Variants in MAP1S observed in about 807,000 individuals in gnomAD.
MAP1S encodes the protein microtubule associated protein 1S, also known as microtubule-associated protein 1S.
In MAP1S, 27 loss-of-function variants were observed where a neutral mutation model predicts 60.9. The observed-to-expected ratio is 0.44, with a 90% CI of 0.33 to 0.61. The LOEUF (loss-of-function observed/expected upper bound fraction) is 0.61. MAP1S is among the 20% of genes least tolerant of loss of function. The pLI is 0.03. For synonymous variants in MAP1S, 826 were observed against 694.2 expected, an observed-to-expected ratio of 1.19 and a Z score of -2.98; for missense variants, 1,608 against 1,486.6, an observed-to-expected ratio of 1.08 and a Z score of -1.34.
rs140176243 is a variant in MAP1S at position 17,733,243 on chromosome 19, G to A, written c.2839G>A (p.Val947Ile). 8.4e-6 allele frequency: 13 copies of A among 1,552,648 alleles called. No homozygotes were observed. The African/African-American group carries it at 1.8e-4, about 21-fold the overall frequency. The change falls in exon 6 of 7, where the codon GTC becomes ATC. Residue 947 changes from valine (V) to isoleucine (I), a missense_variant. Physicochemically the swap from Val to Ile is conservative, Grantham distance 29 (BLOSUM62 3). Around this residue, in one of 4 missense-constraint regions of MAP1S, gnomAD observed 1,167 missense variants for 961.4 expected, o/e 1.21. Coordinates refer to ENST00000324096, the MANE Select transcript of MAP1S (RefSeq NM_018174.6). ...GVSATPPKSP[V>I]YLDLAYLPSG... is the part of the protein sequence containing the mutation. ...GTCAGCCACCCCACCCAAGTCCCCGGTCTACCTGGACCTGGCCTACCTGCC... is the reference window on the plus strand; with the variant it reads ...GTCAGCCACCCCACCCAAGTCCCCGATCTACCTGGACCTGGCCTACCTGCC...
At chr19:17,730,037 A>G (rs2080479477) in intron 5 of MAP1S, among the ~76,000 whole-genome samples, 1 of 151,726 alleles carries the variant, frequency 6.6e-6, no homozygotes, top group African/African-American at 2.4e-5. Flanking sequence ...TGAACTCCTG[A>G]ACTCAAGTGA....
intron 2 of MAP1S, chr19:17,721,483 C>A: frequency 7.7e-6 from 2 of 261,174 alleles, no homozygotes; most frequent in Admixed American, 5.1e-5. Context: ...TGGAGACTAG[C>A]CTGGCCAACG....
At chr19:17,729,652 C>A (rs767094797) in intron 5 of MAP1S, among the ~76,000 whole-genome samples, 1 of 151,826 alleles carries the variant, frequency 6.6e-6, no homozygotes, top group Non-Finnish European at 1.5e-5. Context: ...ACCACAGACA[C>A]GCACCATAAC....
intron 1 of MAP1S, 43 bp from the exon 2 acceptor site, chr19:17,720,893 G>C: frequency 6.8e-7 from 1 of 1,470,890 alleles, no homozygotes; most frequent in Non-Finnish European, 9.5e-7. Flanking sequence ...TGGGAGCTGG[G>C]GGGCCCGGCT....
In MAP1S at chr19:17,727,975, A is replaced by G; in HGVS notation, c.2591A>G (p.Lys864Arg). ...ACGGAGAACGTCAGCCGCACCCGGA[A>G]GCCCCTGGCCCGCCCCAACTCACGC... ...RQTENVSRTR[K>R]PLARPNSRAA... Residue 864 changes from lysine to arginine, a missense_variant, in exon 5 of 7, where the codon AAG becomes AGG. Physicochemically the swap from Lys to Arg is conservative, Grantham distance 26. Around this residue, in one of 4 missense-constraint regions of MAP1S, gnomAD observed 1,167 missense variants for 961.4 expected, o/e 1.21. Coordinates refer to ENST00000324096, the MANE Select transcript of MAP1S (RefSeq NM_018174.6). The surrounding 1 kb of genome is among the most constrained non-coding windows in gnomAD (Gnocchi z 4.1). 1 of 1,608,932 alleles carries G rather than the reference A, an allele frequency of 6.2e-7. No homozygotes were observed. The highest frequency in any genetic ancestry group is 8.5e-7 in the Non-Finnish European group (1 of 1,177,686).
intron 1 of MAP1S, chr19:17,720,600 G>A: frequency 2.4e-6 from 3 of 1,251,244 alleles, no homozygotes; most frequent in Non-Finnish European, 2.1e-6. Flanking sequence ...AGGTGGGGGC[G>A]GCAGGGGGAT....
At chr19:17,720,100 CTAA>C in intron 1 of MAP1S, 8 of 1,200,870 alleles carry the variant, frequency 6.7e-6, no homozygotes, top group Non-Finnish European at 8.3e-6. Context: ...CAAGGAGCTG[CTAA>C]TTGGGGTGTG....
chr19:17,728,250 A>T, intron 5 of MAP1S, 78 bp downstream of exon 5: 1 of 1,432,834 alleles, frequency 7.0e-7, no homozygotes, highest in Admixed American at 2.7e-5. Flanking sequence ...CCCTGTTTTT[A>T]CATTTTCAGT....
chr19:17,720,233 T>G lies in MAP1S; in HGVS notation c.118+613T>G, dbSNP rs966039175. The G allele has an allele frequency of 2.2e-6, 3 of 1,375,872 alleles. No individual in the cohort carries two copies. The Middle Eastern group carries it at 7.9e-4, about 363-fold the overall frequency. 85.2% of individuals were successfully genotyped at this position (1,375,872 alleles called of 1,614,324 possible). A position where few individuals can be genotyped will look rare whatever the true frequency, so the allele number is the denominator to read the frequency against. ...CTGGCGGGCGTGATGCGCCCGTGGG[T>G]GGAGATGGGTGTTCATCCCCCATCC... On this transcript the variant is annotated intron_variant, in intron 1 of 6. Coordinates refer to ENST00000324096, the MANE Select transcript of MAP1S (RefSeq NM_018174.6).
chr19:17,719,580 C>T lies in MAP1S; in HGVS notation c.78C>T (p.Ser26=), dbSNP rs1342599543. 8.0e-7 allele frequency: 1 copy of T among 1,245,714 alleles called. No individual in the cohort carries two copies. Among genetic ancestry groups the T allele is most frequent in the African/African-American group, 1.6e-5 (1 of 64,496 alleles). The allele number at this position is 1,245,714 out of a possible 1,614,324, so 77.2% of individuals were successfully genotyped here. Residue 26 remains serine (S), a synonymous_variant, in exon 1 of 7, where the codon AGC becomes AGT. Transcript: ENST00000324096. Reference sequence around the variant, plus strand: ...TCGTGGTGGGCAGCGAGTTCGGGAGCCCGGGGCTCCTCACCTACGTCCTGG... The same window carrying T: ...TCGTGGTGGGCAGCGAGTTCGGGAGTCCGGGGCTCCTCACCTACGTCCTGG... ...LLLVVGSEFG[S]PGLLTYVLEE... is the part of the protein sequence containing the mutation.
chr19:17,727,529 T>A lies in MAP1S; in HGVS notation c.2145T>A (p.Ala715=), dbSNP rs1343328796. The change falls in exon 5 of 7, where the codon GCT becomes GCA. Residue 715 remains alanine (A), a synonymous_variant. Coordinates refer to ENST00000324096, the MANE Select transcript of MAP1S (RefSeq NM_018174.6). This position sits in a 1 kb window ranked among gnomAD's most constrained non-coding sequence, Gnocchi z 4.1. ...CGCCATCCGCCCCCACCAGTGAGGC[T>A]GGGCTGAGCCTCCCGCTGCGTGGCC... ...VLPPSAPTSE[A]GLSLPLRGPR... is the part of the protein sequence containing the mutation. 6.2e-7 allele frequency: 1 copy of A among 1,610,410 alleles called. No homozygotes were observed. Among genetic ancestry groups the A allele is most frequent in the Non-Finnish European group, 8.5e-7 (1 of 1,179,520 alleles).
Position 17,733,268 on chromosome 19 carries a change from C to G in MAP1S, c.2864C>G (p.Pro955Arg). 1 of 1,563,982 alleles carries G rather than the reference C, an allele frequency of 6.4e-7. No individual in the cohort carries two copies. Residue 955 changes from proline to arginine, a missense_variant, in exon 6 of 7, where the codon CCC (proline) becomes CGC (arginine). Around this residue, in one of 4 missense-constraint regions of MAP1S, gnomAD observed 1,167 missense variants for 961.4 expected, o/e 1.21. Transcript: ENST00000324096. The part of the protein sequence containing the change: ...SPVYLDLAYL[P>R]SGSSAHLVDE... The stretch of plus-strand genomic sequence containing the variant: ...GTCTACCTGGACCTGGCCTACCTGC[C>G]CAGCGGGAGCAGCGCCCACCTGGTG...
Position 17,727,030 on chromosome 19 carries a change from C to T in MAP1S, c.1646C>T (p.Pro549Leu). ...REVRRAASSV[P>L]NLKKTNAQAA... ...GTGCGCCGGGCAGCCTCTTCTGTGCCCAACCTCAAGAAGACGAATGCCCAG... is the reference window on the plus strand; with the variant it reads ...GTGCGCCGGGCAGCCTCTTCTGTGCTCAACCTCAAGAAGACGAATGCCCAG... The change falls in exon 5 of 7, where the codon CCC becomes CTC. Residue 549 changes from proline to leucine, a missense_variant. Coordinates refer to ENST00000324096, the MANE Select transcript of MAP1S (RefSeq NM_018174.6). The surrounding 1 kb of genome is among the most constrained non-coding windows in gnomAD (Gnocchi z 4.1). 2 of 1,603,462 alleles carry T rather than the reference C, an allele frequency of 1.2e-6. No homozygotes were observed. The highest frequency in any genetic ancestry group is 1.7e-6 in the Non-Finnish European group (2 of 1,175,998).
rs377549922 is a variant in MAP1S, at chr19:17,725,455, C to T, written c.444+266C>T. Among the ~76,000 whole-genome samples, 8 of 152,276 alleles carry T rather than the reference C, an allele frequency of 5.3e-5. No individual in the cohort carries two copies. In the East Asian group the frequency reaches 1.2e-3, roughly 22 times the overall value. ...AGCCAAATGGGTCCTTCCTGGTGCC[C>T]GCAGTCTGGGTAGGACACATGGGCA... On this transcript the variant is annotated intron_variant, in intron 4 of 6. Transcript: ENST00000324096. This position sits in a 1 kb window ranked among gnomAD's most constrained non-coding sequence, Gnocchi z 4.2.
chr19:17,722,806 A>G (rs1792029932), intron 2 of MAP1S, among the ~76,000 whole-genome samples: 1 of 151,506 alleles, frequency 6.6e-6, no homozygotes, highest in African/African-American at 2.4e-5. Flanking sequence ...AGGGAGAGAG[A>G]GAGAGAAAGG....
At position 17,733,207 on chromosome 19, in the gene MAP1S, C is replaced by T. The variant is rs745371335; in HGVS notation, c.2803C>T (p.Arg935Trp). ...CCCGCCCGCAGGGTCAGCCAGCAGC[C>T]GGCCCGGGGTGTCAGCCACCCCACC... ...TRGPSGSASS[R>W]PGVSATPPKS... Residue 935 changes from arginine (R) to tryptophan (W), a missense_variant, in exon 6 of 7, where the codon CGG (arginine) becomes TGG (tryptophan). Physicochemically the swap from Arg to Trp is moderately radical, Grantham distance 101 (BLOSUM62 -3). Around this residue, in one of 4 missense-constraint regions of MAP1S, gnomAD observed 1,167 missense variants for 961.4 expected, o/e 1.21. Transcript: ENST00000324096. 34 of 1,538,836 alleles carry T rather than the reference C, an allele frequency of 2.2e-5. No individual in the cohort carries two copies. Among genetic ancestry groups the T allele is most frequent in the Non-Finnish European group, 2.7e-5 (31 of 1,140,484 alleles).
chr19:17,727,306 C>CCTCGGCTG lies in MAP1S; in HGVS notation c.1922_1923insCTCGGCTG (p.Glu642SerfsTer18). ...ATCCCAAGGCCACGCACACCCTCCCCTGAGTCCCACCGGAGCCCCGCAGAG... is the reference window on the plus strand; with the variant it reads ...ATCCCAAGGCCACGCACACCCTCCCCCTCGGCTGTGAGTCCCACCGGAGCCCCGCAGAG... On this transcript the variant is annotated frameshift_variant, in exon 5 of 7. Transcript: ENST00000324096. LOFTEE classifies it high-confidence loss of function. The surrounding 1 kb of genome is among the most constrained non-coding windows in gnomAD (Gnocchi z 4.1). 1 of 1,591,698 alleles carries CCTCGGCTG rather than the reference C, an allele frequency of 6.3e-7. No homozygotes were observed. The highest frequency in any genetic ancestry group is 8.5e-7 in the Non-Finnish European group (1 of 1,174,052).
rs2080404897 is a variant in MAP1S, at chr19:17,725,040, CT to C, written c.304-8del. The C allele has an allele frequency of 6.2e-7, 1 of 1,614,038 alleles. No homozygotes were observed. ...GAACGGGTCCTTTAGTGTTCACCCC[CT>C]CCCTCAGCTCCGGAACCTTCTGTTG... On this transcript the variant is annotated splice_region_variant and splice_polypyrimidine_tract_variant and intron_variant, in intron 3 of 6. Transcript: ENST00000324096. The surrounding 1 kb of genome is among the most constrained non-coding windows in gnomAD (Gnocchi z 4.2).
intron 2 of MAP1S, among the ~76,000 whole-genome samples, chr19:17,721,670 C>G (rs1165857339): frequency 2.0e-5 from 3 of 152,116 alleles, no homozygotes. Flanking sequence ...GTGGGAGGGA[C>G]TCTGTCTCAG....
Sources: allele counts gnomAD v4.1 joint callset (sites outside exome capture counted in the v4.1 genomes callset), GRCh38; gene constraint gnomAD v4.1.1; regional missense constraint gnomAD v4.1.1; non-coding constraint Gnocchi (gnomAD v3.1); transcripts MANE v1.5; gene names NCBI Gene and HGNC (gene_info 2026-07-23, HGNC 2026-07-21).